The following MED16 variants were observed in gnomAD, a reference collection of about 807,000 sequenced individuals.
MED16 encodes the protein mediator complex subunit 16.
A neutral mutation model predicts 84.4 loss-of-function variants in MED16; 81 were observed. The observed-to-expected ratio is 0.96, with a 90% CI of 0.80 to 1.15. The LOEUF (loss-of-function observed/expected upper bound fraction) is 1.15, where lower values mean the gene tolerates loss of function less well. MED16 is among the 50% of genes most tolerant of loss of function. The pLI, the probability that MED16 is intolerant of heterozygous loss-of-function variation, is 0.00. For missense variants in MED16, 1,585 were observed against 1,245.9 expected (o/e 1.27, Z -4.10); for synonymous variants, 897 against 552.2 (o/e 1.62, Z -8.76).
chr19:871,458 C>A (rs1048638039), intron 12 of MED16: 14 of 1,413,604 alleles, frequency 9.9e-6, no homozygotes, highest in East Asian at 2.5e-5. Context: ...GTTCTCTCCC[C>A]GTCTCTGGCC....
chr19:875,178 A>G, intron 10 of MED16, 66 bp downstream of exon 10: 3 of 1,147,120 alleles, frequency 2.6e-6, no homozygotes, highest in Non-Finnish European at 1.2e-6. Flanking sequence ...GAGTAAAAAA[A>G]ATAAATAAAA....
intron 5 of MED16, among the ~76,000 whole-genome samples, 193 bp downstream of exon 5, chr19:885,577 G>A (rs768811598): frequency 1.2e-4 from 19 of 152,144 alleles, no homozygotes; most frequent in Non-Finnish European, 2.5e-4. Flanking sequence ...GCCCCGAACC[G>A]AGGGATTGGG....
chr19:890,851 G>A (rs956099274), intron 2 of MED16, 112 bp downstream of exon 2: 32 of 1,192,102 alleles, frequency 2.7e-5, no homozygotes, highest in Admixed American at 1.6e-4. Context: ...GCCAGGGTGA[G>A]TGAGAGGTGG....
chr19:891,994 G>T (rs2036646404), intron 1 of MED16, among the ~76,000 whole-genome samples: 1 of 145,880 alleles, frequency 6.9e-6, no homozygotes, highest in African/African-American at 2.6e-5. Context: ...GCCGAGGCGG[G>T]GCTGAGTGTG....
intron 8 of MED16, among the ~76,000 whole-genome samples, chr19:877,795 CCCA>C (rs1359342476): frequency 9.3e-6 from 1 of 107,440 alleles, no homozygotes; most frequent in African/African-American, 3.8e-5. Context: ...CAGCCCCAGC[CCCA>C]CGTGCCCCAG....
At chr19:872,504 C>G (rs1426290651) in intron 11 of MED16, among the ~76,000 whole-genome samples, 3 of 152,018 alleles carry the variant, frequency 2.0e-5, no homozygotes, top group African/African-American at 4.8e-5. Context: ...AGGGGTGGCC[C>G]CTGGCAGCCT....
intron 12 of MED16, chr19:871,509 A>G (rs954224965): frequency 3.3e-6 from 5 of 1,529,634 alleles, no homozygotes; most frequent in Non-Finnish European, 8.8e-7. Flanking sequence ...GTATGTGGGA[A>G]GCACTGTGCC....
At chr19:871,721 G>C in intron 12 of MED16, 4 of 1,270,068 alleles carry the variant, frequency 3.1e-6, no homozygotes, top group Non-Finnish European at 4.4e-6. Context: ...CTTATGTTCT[G>C]GCGGGGGGCT....
chr19:876,908 C>A (rs2145212391), intron 9 of MED16, 66 bp downstream of exon 9: 1 of 1,504,228 alleles, frequency 6.6e-7, no homozygotes, highest in East Asian at 2.4e-5. Flanking sequence ...CCCCACCTGC[C>A]ACGGGGCCCC....
chr19:886,132 C>T lies in MED16; in HGVS notation c.517G>A (p.Gly173Ser), dbSNP rs747571227. 3.8e-5 allele frequency: 60 copies of T among 1,564,114 alleles called. No homozygotes were observed. The highest frequency in any genetic ancestry group is 9.2e-5 in the Admixed American group (5 of 54,474). Residue 173 changes from glycine to serine, a missense_variant, in exon 5 of 16, where the codon GGC (glycine) becomes AGC (serine). Physicochemically the swap from Gly to Ser is moderately conservative, Grantham distance 56. Transcript: ENST00000325464. The part of the protein sequence containing the change: ...KFSPSLTLFG[G>S]KPMEGWIAVT... ...GCGATCCAGCCCTCCATGGGCTTGC[C>T]GCCGAACAGCGTGAGCGACGGTGAG...
At chr19:873,190 C>G (rs1249500699) in intron 11 of MED16, 1 of 505,500 alleles carries the variant, frequency 2.0e-6, no homozygotes, top group African/African-American at 2.4e-5. Context: ...TGGGGCAGGG[C>G]TAGGAAGTGG....
At chr19:890,934 G>A in intron 2 of MED16, 29 bp downstream of exon 2, 1 of 1,606,376 alleles carries the variant, frequency 6.2e-7, no homozygotes, top group Non-Finnish European at 8.5e-7. Context: ...ATGCGGCCGG[G>A]AGGGGAAGCA....
At chr19:876,715 G>A (rs1160912535) in intron 9 of MED16, among the ~76,000 whole-genome samples, 3 of 151,936 alleles carry the variant, frequency 2.0e-5, no homozygotes, top group Admixed American at 1.3e-4. Context: ...AACCCCTCCA[G>A]CTGCCACAAC....
At chr19:870,863 G>A (rs2036032049) in intron 13 of MED16, among the ~76,000 whole-genome samples, 174 bp downstream of exon 13, 1 of 142,484 alleles carries the variant, frequency 7.0e-6, no homozygotes, top group Non-Finnish European at 1.5e-5. Context: ...TGGAGGGAGG[G>A]AGCCGTGTGG....
At chr19:883,050 G>A (rs958643623) in intron 6 of MED16, among the ~76,000 whole-genome samples, 20 of 152,304 alleles carry the variant, frequency 1.3e-4, no homozygotes, top group East Asian at 1.2e-3. Flanking sequence ...CTGCCATGAC[G>A]ACCACACCCC....
intron 5 of MED16, among the ~76,000 whole-genome samples, chr19:885,271 G>A (rs571544013): frequency 6.6e-6 from 1 of 152,300 alleles, no homozygotes; most frequent in Admixed American, 6.5e-5. Flanking sequence ...GGGCTTCAAG[G>A]AGTTTGGGGC....
At chr19:874,106 A>T (rs1456557754) in intron 10 of MED16, among the ~76,000 whole-genome samples, 1 of 152,012 alleles carries the variant, frequency 6.6e-6, no homozygotes, top group Non-Finnish European at 1.5e-5. Context: ...TACTCCAGAC[A>T]AACGATAACC....
At chr19:885,455 G>A (rs114593583) in intron 5 of MED16, among the ~76,000 whole-genome samples, 6 of 152,028 alleles carry the variant, frequency 3.9e-5, no homozygotes, top group Non-Finnish European at 7.4e-5. Flanking sequence ...GAGCACGTTG[G>A]GGGGGGTCCG....
intron 12 of MED16, chr19:871,473 A>G (rs1197410417): frequency 2.1e-6 from 3 of 1,453,010 alleles, no homozygotes; most frequent in East Asian, 2.5e-5. Flanking sequence ...CTGGCCTGTC[A>G]TGAGACTCCC....
Sources: allele counts gnomAD v4.1 joint callset (sites outside exome capture counted in the v4.1 genomes callset), GRCh38; gene constraint gnomAD v4.1.1; transcripts MANE v1.5; gene names NCBI Gene and HGNC (gene_info 2026-07-23, HGNC 2026-07-21).